The following CDH18 variants were observed in gnomAD, a reference collection of about 807,000 sequenced individuals.
CDH18 encodes cadherin 18.
In CDH18, 31 loss-of-function variants were observed where a neutral mutation model predicts 67.9. The ratio of observed to expected loss-of-function variants is 0.46; its 90% CI spans 0.34 to 0.62. The LOEUF (loss-of-function observed/expected upper bound fraction) is 0.62. CDH18 is among the 20% of genes least tolerant of loss of function. The pLI is 0.01. For synonymous variants in CDH18, 362 were observed against 347.2 expected (o/e 1.04, Z -0.48); for missense variants, 890 against 975.5 (o/e 0.91, Z 1.17).
intron 2 of CDH18, among the ~76,000 whole-genome samples, chr5:19,940,090 T>C (rs1252959237): frequency 4.6e-5 from 7 of 151,862 alleles, no homozygotes; most frequent in Non-Finnish European, 1.0e-4. Flanking sequence ...CTTATGTATA[T>C]AGAGACCAGT....
intron 1 of CDH18, among the ~76,000 whole-genome samples, chr5:20,415,572 G>A (rs1472234183): frequency 6.6e-6 from 1 of 151,654 alleles, no homozygotes; most frequent in Non-Finnish European, 1.5e-5. Flanking sequence ...AGGAGATTGA[G>A]ACCAACCTGG....
chr5:19,897,814 CTA>C (rs1207710645), intron 2 of CDH18, among the ~76,000 whole-genome samples: 1 of 151,994 alleles, frequency 6.6e-6, no homozygotes, highest in African/African-American at 2.4e-5. Flanking sequence ...GTGAACAAGA[CTA>C]TTTATTTGAA....
intron 1 of CDH18, among the ~76,000 whole-genome samples, chr5:20,560,012 A>G (rs1758113169): frequency 1.3e-5 from 2 of 152,102 alleles, no homozygotes; most frequent in Non-Finnish European, 2.9e-5. Flanking sequence ...GATCACTGCA[A>G]ATGACTTTAT....
chr5:19,647,527 CAA>C (rs3062888), intron 5 of CDH18, among the ~76,000 whole-genome samples: 55 of 28,792 alleles, frequency 1.9e-3, no homozygotes, highest in African/African-American at 6.6e-3. Flanking sequence ...GAGACTCCAT[CAA>C]AAAAAAAAAA....
intron 2 of CDH18, among the ~76,000 whole-genome samples, chr5:20,102,027 C>T (rs542837762): frequency 1.1e-4 from 16 of 152,090 alleles, no homozygotes; most frequent in East Asian, 3.9e-4. Context: ...GCTGAGATCG[C>T]GCCACTGTAC....
intron 1 of CDH18, among the ~76,000 whole-genome samples, chr5:20,526,734 C>T (rs1756090210): frequency 6.6e-6 from 1 of 151,992 alleles, no homozygotes; most frequent in South Asian, 2.1e-4. Context: ...AAAATGACCC[C>T]ACGAAAATGC....
intron 2 of CDH18, among the ~76,000 whole-genome samples, chr5:19,864,502 CA>C (rs1232013212): frequency 4.6e-5 from 7 of 151,352 alleles, no homozygotes; most frequent in Middle Eastern, 3.4e-3. Context: ...ACATTGTGCA[CA>C]TGTACCCTAA....
At chr5:19,963,290 A>G (rs1797095910) in intron 2 of CDH18, among the ~76,000 whole-genome samples, 1 of 152,158 alleles carries the variant, frequency 6.6e-6, no homozygotes, top group Non-Finnish European at 1.5e-5. Flanking sequence ...ATGGTGTTGG[A>G]AGGTGATAAT....
intron 3 of CDH18, among the ~76,000 whole-genome samples, chr5:19,781,157 T>C (rs529000229): frequency 1.3e-5 from 2 of 152,072 alleles, no homozygotes; most frequent in Non-Finnish European, 2.9e-5. Context: ...TATAGGCCCA[T>C]AGTCCAAAAG....
Position 20,364,665 on chromosome 5 carries a change from T to C in CDH18, c.-579-109160A>G, listed in dbSNP as rs1315029897. ...ACCATATCCATAACATATTGATTTA[T>C]CTAAATCTTATTTCTACAATGATTA... is the stretch of plus-strand genomic sequence containing the variant. On this transcript the variant is annotated intron_variant, in intron 1 of 14. Coordinates refer to the CDH18 transcript ENST00000507958. 2.0e-5 allele frequency among the ~76,000 whole-genome samples: 3 copies of C among 152,358 alleles called. No homozygotes were observed. In the East Asian group the frequency reaches 5.8e-4, roughly 29 times the overall value.
intron 2 of CDH18, among the ~76,000 whole-genome samples, chr5:20,143,032 A>G (rs1750367940): frequency 6.6e-6 from 1 of 152,178 alleles, no homozygotes; most frequent in Non-Finnish European, 1.5e-5. Flanking sequence ...GAATTTTGAG[A>G]TGCATGATTT....
intron 2 of CDH18, among the ~76,000 whole-genome samples, chr5:20,209,770 T>C (rs1351670373): frequency 1.3e-5 from 2 of 151,538 alleles, no homozygotes; most frequent in African/African-American, 4.9e-5. Flanking sequence ...GTTCCTATCA[T>C]AAAGAAAATA....
chr5:19,778,478 T>A (rs1473217321), intron 3 of CDH18, among the ~76,000 whole-genome samples: 5 of 152,174 alleles, frequency 3.3e-5, no homozygotes, highest in Non-Finnish European at 5.9e-5. Context: ...TATGAACTTA[T>A]AAATGACCTT....
intron 5 of CDH18, among the ~76,000 whole-genome samples, chr5:19,621,396 C>A: frequency 6.6e-6 from 1 of 152,022 alleles, no homozygotes; most frequent in Non-Finnish European, 1.5e-5. Flanking sequence ...GAGGTGATAT[C>A]TCCTTGTGGT....
intron 1 of CDH18, among the ~76,000 whole-genome samples, chr5:20,376,313 T>G (rs570868186): frequency 6.6e-6 from 1 of 151,382 alleles, no homozygotes; most frequent in South Asian, 2.1e-4. Flanking sequence ...TGGTCTCGAT[T>G]TCCTGACCTC....
chr5:20,056,600 G>C (rs1741994257), intron 2 of CDH18, among the ~76,000 whole-genome samples: 1 of 142,528 alleles, frequency 7.0e-6, no homozygotes, highest in Non-Finnish European at 1.5e-5. Flanking sequence ...TCATTTGATG[G>C]AAGCTGAGAA....
chr5:19,866,694 C>T (rs1478645165), intron 2 of CDH18, among the ~76,000 whole-genome samples: 1 of 152,134 alleles, frequency 6.6e-6, no homozygotes, highest in Non-Finnish European at 1.5e-5. Context: ...CAACCTGGCA[C>T]AATGATTAAT....
chr5:20,284,842 G>C (rs1027144304), intron 1 of CDH18, among the ~76,000 whole-genome samples: 3 of 151,966 alleles, frequency 2.0e-5, no homozygotes, highest in Non-Finnish European at 4.4e-5. Context: ...TGGGACCAAT[G>C]TATTTAGGAT....
chr5:19,527,985 T>C (rs918671646), intron 9 of CDH18, among the ~76,000 whole-genome samples: 2 of 151,896 alleles, frequency 1.3e-5, no homozygotes, highest in African/African-American at 4.8e-5. Context: ...CTTTGTTCCG[T>C]TAACCAGAAC....
Sources: gnomAD v4.1 joint callset for allele counts (sites outside exome capture counted in the v4.1 genomes callset) on GRCh38, gnomAD v4.1.1 for gene constraint, MANE v1.5 for transcripts, NCBI Gene and HGNC (gene_info 2026-07-23, HGNC 2026-07-21) for gene names.